Variants in KMT2A observed in about 807,000 individuals in gnomAD.
KMT2A encodes the protein lysine methyltransferase 2A.
Under a neutral mutation model 345.3 loss-of-function variants are expected in KMT2A, and 16 were observed. That is an observed-to-expected ratio of 0.05 (90% CI 0.03 to 0.07). The LOEUF (loss-of-function observed/expected upper bound fraction) is 0.07. KMT2A is among the 10% of genes least tolerant of loss of function. The pLI is 1.00. For synonymous variants in KMT2A, 1,599 were observed against 1,778.6 expected, an observed-to-expected ratio of 0.90 and a Z score of 2.54; for missense variants, 3,272 against 4,841.6, an observed-to-expected ratio of 0.68 and a Z score of 9.62.
In KMT2A at chr11:118,521,474, G is replaced by C. The variant is rs1479173670; in HGVS notation, c.11643+57G>C. ...TTTGTTTTGCTGTAGAAAGGGACCA[G>C]TATGACCCCTGGATCACAAAAGAAA... On this transcript the variant is annotated intron_variant, in intron 35 of 35. Coordinates refer to ENST00000534358, the MANE Select transcript of KMT2A (RefSeq NM_001197104.2). This position sits in a 1 kb window ranked among gnomAD's most constrained non-coding sequence, Gnocchi z 5.3. 6.3e-7 allele frequency: 1 copy of C among 1,585,348 alleles called. No individual in the cohort carries two copies. The highest frequency in any genetic ancestry group is 1.3e-5 in the African/African-American group (1 of 74,192).
At position 118,519,966 on chromosome 11, in the gene KMT2A, A is replaced by G; in HGVS notation, c.11331A>G (p.Ala3777=). 2 of 1,613,506 alleles carry G rather than the reference A, an allele frequency of 1.2e-6. No individual in the cohort carries two copies. Among genetic ancestry groups the G allele is most frequent in the Non-Finnish European group, 1.7e-6 (2 of 1,179,448 alleles). The part of the protein sequence containing the change: ...ARAEVHLRKS[A]FDMFNFLASK... The stretch of plus-strand genomic sequence containing the variant: ...AATCTTTTGGCCCCAGGAAGTCAGC[A>G]TTTGACATGTTTAACTTCCTGGCTT... Residue 3777 remains alanine (A), a synonymous_variant, in exon 33 of 36, where the codon GCA becomes GCG. Transcript: ENST00000534358.
chr11:118,501,869 T>C lies in KMT2A; in HGVS notation c.6505+12T>C, dbSNP rs782181355. 3 of 1,602,888 alleles carry C rather than the reference T, an allele frequency of 1.9e-6. No homozygotes were observed. The highest frequency in any genetic ancestry group is 2.6e-6 in the Non-Finnish European group (3 of 1,173,992). On this transcript the variant is annotated intron_variant, in intron 26 of 35. Transcript: ENST00000534358. ...GTTGCCTTCTGCAGGTAAAAGACTT[T>C]ATTGACCTACTTGACCTAAGAAGAT... is the stretch of plus-strand genomic sequence containing the variant.
Position 118,480,055 on chromosome 11 carries a change from A to C in KMT2A, c.3570-119A>C, listed in dbSNP as rs992290983. Reference sequence around the variant, plus strand: ...TGAGTAATGAGCAGTCCTTTTTTCAACTATAAAAATGTGAACCTGAATACA... The same window carrying C: ...TGAGTAATGAGCAGTCCTTTTTTCACCTATAAAAATGTGAACCTGAATACA... On this transcript the variant is annotated intron_variant, in intron 5 of 35. Coordinates refer to ENST00000534358, the MANE Select transcript of KMT2A (RefSeq NM_001197104.2). 5 of 753,274 alleles carry C rather than the reference A, an allele frequency of 6.6e-6. No homozygotes were observed. In the African/African-American group the frequency reaches 8.9e-5, roughly 13 times the overall value. The allele number at this position is 753,274 out of a possible 1,614,324, so 46.7% of individuals were successfully genotyped here.
rs576392832 is a variant in KMT2A, at chr11:118,461,088, C to T, written c.433-7687C>T. ...AATTTCATGTATTTTTCTAATATACCTTATATTTTATACACAAACATTATG... is the reference window on the plus strand; with the variant it reads ...AATTTCATGTATTTTTCTAATATACTTTATATTTTATACACAAACATTATG... On this transcript the variant is annotated intron_variant, in intron 1 of 35. Coordinates refer to ENST00000534358, the MANE Select transcript of KMT2A (RefSeq NM_001197104.2). Among the ~76,000 whole-genome samples the T allele has an allele frequency of 1.5e-4, 23 of 152,108 alleles. No homozygotes were observed. The East Asian group carries it at 1.9e-3, about 13-fold the overall frequency.
In KMT2A at chr11:118,491,419, G is replaced by GAAATCTCT; in HGVS notation, c.4819+106_4819+113dup. ...TAAAATTATGGTTGTGTTGTTATTTGAAATCTCTAAATTTATTTTTTAGTC... is the reference window on the plus strand; with the variant it reads ...TAAAATTATGGTTGTGTTGTTATTTGAAATCTCTAAATCTCTAAATTTATTTTTTAGTC... On this transcript the variant is annotated intron_variant, in intron 14 of 35. Coordinates refer to ENST00000534358, the MANE Select transcript of KMT2A (RefSeq NM_001197104.2). This position sits in a 1 kb window ranked among gnomAD's most constrained non-coding sequence, Gnocchi z 4.2. The GAAATCTCT allele has an allele frequency of 8.6e-7, 1 of 1,166,742 alleles. No individual in the cohort carries two copies. Among genetic ancestry groups the GAAATCTCT allele is most frequent in the South Asian group, 1.6e-5 (1 of 60,826 alleles). The allele number at this position is 1,166,742 out of a possible 1,614,324, so 72.3% of individuals were successfully genotyped here.
At position 118,476,769 on chromosome 11, in the gene KMT2A, A is replaced by C. The variant is rs782630604; in HGVS notation, c.3157-36A>C. The C allele has an allele frequency of 1.3e-6, 2 of 1,564,904 alleles. No homozygotes were observed. Among genetic ancestry groups the C allele is most frequent in the East Asian group, 4.5e-5 (2 of 44,124 alleles). On this transcript the variant is annotated intron_variant, in intron 3 of 35. Coordinates refer to ENST00000534358, the MANE Select transcript of KMT2A (RefSeq NM_001197104.2). The surrounding 1 kb of genome is among the most constrained non-coding windows in gnomAD (Gnocchi z 4.1). Reference sequence around the variant, plus strand: ...TCGTTCAGTTATAATTTCAACATGTATGGTTGTTATTGTTTTTGGATTGCC... The same window carrying C: ...TCGTTCAGTTATAATTTCAACATGTCTGGTTGTTATTGTTTTTGGATTGCC...
intron 1 of KMT2A, among the ~76,000 whole-genome samples, chr11:118,456,140 C>T (rs996611047): frequency 2.0e-5 from 3 of 151,992 alleles, no homozygotes; most frequent in Non-Finnish European, 4.4e-5. Flanking sequence ...CTGGCCTCTC[C>T]CTGTTACTGT....
rs573983121 is a variant in KMT2A at position 118,495,353 on chromosome 11, T to G, written c.5364-347T>G. ...TTTGTATTTTAATAGAGACTGGGTTTCACCATTTTGGCCAGGATGGTCTTG... is the reference window on the plus strand; with the variant it reads ...TTTGTATTTTAATAGAGACTGGGTTGCACCATTTTGGCCAGGATGGTCTTG... On this transcript the variant is annotated intron_variant, in intron 18 of 35. Coordinates refer to ENST00000534358, the MANE Select transcript of KMT2A (RefSeq NM_001197104.2). The surrounding 1 kb of genome is among the most constrained non-coding windows in gnomAD (Gnocchi z 4.1). Among the ~76,000 whole-genome samples, 3 of 152,162 alleles carry G rather than the reference T, an allele frequency of 2.0e-5. No homozygotes were observed. The highest frequency in any genetic ancestry group is 7.2e-5 in the African/African-American group (3 of 41,516).
rs201616070 is a variant in KMT2A, at chr11:118,495,160, A to ATTTTTTTT, written c.5363+396_5363+397insTTTTTTTT. On this transcript the variant is annotated intron_variant, in intron 18 of 35. Coordinates refer to ENST00000534358, the MANE Select transcript of KMT2A (RefSeq NM_001197104.2). The surrounding 1 kb of genome is among the most constrained non-coding windows in gnomAD (Gnocchi z 4.1). ...TCTTTTGATTTGATTTTATTTATTT[A>ATTTTTTTT]TTTATTTTTTTTTTTTTGAGACGGA... Among the ~76,000 whole-genome samples, 1 of 148,328 alleles carries ATTTTTTTT rather than the reference A, an allele frequency of 6.7e-6. No homozygotes were observed. Among genetic ancestry groups the ATTTTTTTT allele is most frequent in the African/African-American group, 2.5e-5 (1 of 39,942 alleles).
At chr11:118,519,412 C>T (rs980048767) in intron 31 of KMT2A, 19 of 491,674 alleles carry the variant, frequency 3.9e-5, no homozygotes, top group Admixed American at 2.3e-4. Flanking sequence ...TTCACTTAGC[C>T]GTCTATCACA....
At chr11:118,485,978 G>A (rs1555040764) in intron 10 of KMT2A, among the ~76,000 whole-genome samples, 2 of 152,202 alleles carry the variant, frequency 1.3e-5, no homozygotes, top group African/African-American at 4.8e-5. Context: ...AGCTACTCGA[G>A]AGGCTGAGGC....
chr11:118,444,014 C>G (rs1555026541), intron 1 of KMT2A, among the ~76,000 whole-genome samples: 1 of 152,164 alleles, frequency 6.6e-6, no homozygotes, highest in Non-Finnish European at 1.5e-5. Context: ...CTATGCTTTG[C>G]TGAAGCATCA....
Position 118,436,725 on chromosome 11 carries a change from G to A in KMT2A, c.213G>A (p.Gly71=). Residue 71 remains glycine (G), a synonymous_variant, in exon 1 of 36, where the codon GGG becomes GGA. Transcript: ENST00000534358. The surrounding 1 kb of genome is among the most constrained non-coding windows in gnomAD (Gnocchi z 6.9). The stretch of plus-strand genomic sequence containing the variant: ...CGGCGGCGGCGGCGGGAAGCAGCGG[G>A]GCTGGGGTTCCAGGGGGAGCGGCCG... ...AAAAAAAGSS[G]AGVPGGAAAA... is the part of the protein sequence containing the mutation. 1 of 1,524,188 alleles carries A rather than the reference G, an allele frequency of 6.6e-7. No individual in the cohort carries two copies. The highest frequency in any genetic ancestry group is 8.8e-7 in the Non-Finnish European group (1 of 1,133,032). The allele number at this position is 1,524,188 out of a possible 1,614,324, so 94.4% of individuals were successfully genotyped here.
Position 118,472,431 on chromosome 11 carries a change from C to T in KMT2A, c.1272C>T (p.Thr424=), listed in dbSNP as rs1216973988. ...VSAISSRIIK[T]PRRFIEDEDY... ...CTATCTCCTCGCGGATCATTAAGAC[C>T]CCTCGGCGGTTTATAGAGGATGAGG... The change falls in exon 3 of 36, where the codon ACC becomes ACT. Residue 424 remains threonine (T), a synonymous_variant. Transcript: ENST00000534358. 24 of 1,613,854 alleles carry T rather than the reference C, an allele frequency of 1.5e-5. No homozygotes were observed. The highest frequency in any genetic ancestry group is 8.8e-5 in the South Asian group (8 of 91,070).
intron 27 of KMT2A, among the ~76,000 whole-genome samples, chr11:118,507,135 A>T (rs1555048764): frequency 6.6e-6 from 1 of 152,180 alleles, no homozygotes; most frequent in Admixed American, 6.5e-5. Flanking sequence ...TGTCTCTACA[A>T]AAAATTTTTT....
rs797040160 is a variant in KMT2A, at chr11:118,494,223, G to C, written c.5179-65G>C. 15 of 820,036 alleles carry C rather than the reference G, an allele frequency of 1.8e-5. No individual in the cohort carries two copies. Among genetic ancestry groups the C allele is most frequent in the Middle Eastern group, 2.2e-4 (1 of 4,532 alleles). The allele number at this position is 820,036 out of a possible 1,614,324, so 50.8% of individuals were successfully genotyped here. A position where few individuals can be genotyped will look rare whatever the true frequency, so the allele number is the denominator to read the frequency against. On this transcript the variant is annotated intron_variant, in intron 16 of 35. Coordinates refer to ENST00000534358, the MANE Select transcript of KMT2A (RefSeq NM_001197104.2). The surrounding 1 kb of genome is among the most constrained non-coding windows in gnomAD (Gnocchi z 5.8). Reference sequence around the variant, plus strand: ...TCTCTGTGCTGGATGATTAAGGAGGGAAGAGGAAATGGTTTTCAGAGCACA... The same window carrying C: ...TCTCTGTGCTGGATGATTAAGGAGGCAAGAGGAAATGGTTTTCAGAGCACA...
chr11:118,494,444 A>G lies in KMT2A; in HGVS notation c.5289+46A>G. On this transcript the variant is annotated intron_variant, in intron 17 of 35. Transcript: ENST00000534358. This position sits in a 1 kb window ranked among gnomAD's most constrained non-coding sequence, Gnocchi z 5.8. ...ATGTTTTTAATGCTTACCTATAAGT[A>G]ATTACCCTGTGAATACAATGAACTT... The G allele has an allele frequency of 9.6e-7, 1 of 1,037,258 alleles. No individual in the cohort carries two copies. 64.3% of individuals were successfully genotyped at this position (1,037,258 alleles called of 1,614,324 possible).
chr11:118,443,768 C>G (rs1555026466), intron 1 of KMT2A, among the ~76,000 whole-genome samples: 1 of 152,100 alleles, frequency 6.6e-6, no homozygotes, highest in East Asian at 1.9e-4. Context: ...GATATCTTAC[C>G]TTCAATTATT....
rs782283493 is a variant in KMT2A at position 118,520,824 on chromosome 11, C to T, written c.11452C>T (p.Pro3818Ser). 1.9e-6 allele frequency: 3 copies of T among 1,613,844 alleles called. No homozygotes were observed. Among genetic ancestry groups the T allele is most frequent in the Non-Finnish European group, 2.5e-6 (3 of 1,179,726 alleles). ...TAGGAGGGCAACTAGCATGGATCTGCCAATGCCCATGCGCTTCCGGCACTT... is the reference window on the plus strand; with the variant it reads ...TAGGAGGGCAACTAGCATGGATCTGTCAATGCCCATGCGCTTCCGGCACTT... The part of the protein sequence containing the change: ...SARRATSMDL[P>S]MPMRFRHLKK... The change falls in exon 34 of 36, where the codon CCA becomes TCA. Residue 3818 changes from proline (P) to serine (S), a missense_variant. Physicochemically the swap from Pro to Ser is moderately conservative, Grantham distance 74 (BLOSUM62 -1). Around this residue, in one of 27 missense-constraint regions of KMT2A, gnomAD observed 78 missense variants for 254.5 expected, o/e 0.31. Transcript: ENST00000534358. The surrounding 1 kb of genome is among the most constrained non-coding windows in gnomAD (Gnocchi z 4.3).
Sources: gnomAD v4.1 joint callset for allele counts (sites outside exome capture counted in the v4.1 genomes callset) on GRCh38, gnomAD v4.1.1 for gene constraint, gnomAD v4.1.1 regional missense constraint, Gnocchi (gnomAD v3.1) non-coding constraint, MANE v1.5 for transcripts, NCBI Gene and HGNC (gene_info 2026-07-23, HGNC 2026-07-21) for gene names.